Variants in IGF1R observed in about 807,000 individuals in gnomAD.
The protein encoded by IGF1R is insulin like growth factor 1 receptor.
IGF1R carries 44 observed loss-of-function variants against 144.6 expected under a neutral mutation model. The ratio of observed to expected loss-of-function variants is 0.30; its 90% CI spans 0.24 to 0.39. The LOEUF is 0.39. IGF1R is among the 10% of genes least tolerant of loss of function. The pLI, the probability that IGF1R is intolerant of heterozygous loss-of-function variation, is 1.00. For synonymous variants in IGF1R, 795 were observed against 722.8 expected (o/e 1.10, Z -1.60); for missense variants, 1,355 against 1,833.7 (o/e 0.74, Z 4.77).
chr15:98,924,074 C>G, intron 12 of IGF1R, 62 bp downstream of exon 12: 2 of 1,473,648 alleles, frequency 1.4e-6, no homozygotes, highest in South Asian at 1.1e-5. Context: ...CATATGCTAC[C>G]TGACTGCACA....
At chr15:98,812,822 C>T (rs2056619277) in intron 2 of IGF1R, among the ~76,000 whole-genome samples, 1 of 151,896 alleles carries the variant, frequency 6.6e-6, no homozygotes, top group Non-Finnish European at 1.5e-5. Context: ...GGGCATTGTC[C>T]TTGGGCTTGT....
chr15:98,725,819 C>T (rs2054344575), intron 2 of IGF1R, among the ~76,000 whole-genome samples: 1 of 152,196 alleles, frequency 6.6e-6, no homozygotes, highest in Non-Finnish European at 1.5e-5. Context: ...GTACTTCTTA[C>T]ATGGTGGCAG....
chr15:98,780,694 T>C (rs2055842165), intron 2 of IGF1R, among the ~76,000 whole-genome samples: 2 of 152,326 alleles, frequency 1.3e-5, no homozygotes. Context: ...ATACTAATTA[T>C]AAATCATGCC....
At position 98,723,331 on chromosome 15, in the gene IGF1R, AG is replaced by A. The variant is rs2054286329; in HGVS notation, c.640+15225del. 4.6e-5 allele frequency among the ~76,000 whole-genome samples: 7 copies of A among 152,338 alleles called. No individual in the cohort carries two copies. In the South Asian group the frequency reaches 1.5e-3, roughly 32 times the overall value. ...CTTGTCTCTTCTGTCCTCCAGTCAA[AG>A]AAAAACTCTGCATATGATCTTTGGC... On this transcript the variant is annotated intron_variant, in intron 2 of 20. Coordinates refer to ENST00000650285, the MANE Select transcript of IGF1R (RefSeq NM_000875.5).
chr15:98,797,683 A>G (rs2056276907), intron 2 of IGF1R, among the ~76,000 whole-genome samples: 1 of 152,182 alleles, frequency 6.6e-6, no homozygotes, highest in South Asian at 2.1e-4. Flanking sequence ...GAATGTCAGT[A>G]TATACATTGC....
intron 2 of IGF1R, chr15:98,880,703 T>G (rs539202689): frequency 4.6e-5 from 7 of 152,334 alleles, no homozygotes; most frequent in East Asian, 1.9e-4. Context: ...AGTGGTACCA[T>G]AGACAGTTTT....
At chr15:98,745,378 G>A (rs1358762785) in intron 2 of IGF1R, among the ~76,000 whole-genome samples, 1 of 152,146 alleles carries the variant, frequency 6.6e-6, no homozygotes, top group Non-Finnish European at 1.5e-5. Flanking sequence ...GTGTGTCATC[G>A]CTGACTACCT....
chr15:98,889,206 A>G (rs2013788923), intron 2 of IGF1R, among the ~76,000 whole-genome samples: 1 of 152,264 alleles, frequency 6.6e-6, no homozygotes, highest in Non-Finnish European at 1.5e-5. Context: ...TTTCTGTCAA[A>G]GGATGACTTC....
At chr15:98,925,066 G>T (rs1197954344) in intron 13 of IGF1R, among the ~76,000 whole-genome samples, 2 of 151,842 alleles carry the variant, frequency 1.3e-5, no homozygotes, top group African/African-American at 4.8e-5. Flanking sequence ...TACTTGGTCA[G>T]TAAAGCTAGA....
chr15:98,827,032 T>A lies in IGF1R; in HGVS notation c.641-64293T>A, dbSNP rs77908781. Among the ~76,000 whole-genome samples, 496 of 152,326 alleles carry A rather than the reference T, an allele frequency of 3.3e-3. 3 individuals are homozygous for A. The highest frequency in any genetic ancestry group is 0.011 in the African/African-American group (472 of 41,576). ...CACAAGGAGATAGTTTATTTTAAAATGTAATTGCTATGTTACTAAGATTTG... is the reference window on the plus strand; with the variant it reads ...CACAAGGAGATAGTTTATTTTAAAAAGTAATTGCTATGTTACTAAGATTTG... On this transcript the variant is annotated intron_variant, in intron 2 of 20. Transcript: ENST00000650285.
intron 1 of IGF1R, among the ~76,000 whole-genome samples, chr15:98,662,485 A>C (rs2052623826): frequency 6.6e-6 from 1 of 151,982 alleles, no homozygotes; most frequent in African/African-American, 2.4e-5. Context: ...GTGGTGACAG[A>C]GTATGGAACC....
chr15:98,672,386 G>A (rs11247365), intron 1 of IGF1R, among the ~76,000 whole-genome samples: 111,878 of 151,946 alleles, frequency 0.74, 45,407 homozygotes, highest in Non-Finnish European at 0.89. Context: ...CGAGCACGGC[G>A]AAACCCCGTC....
At chr15:98,924,930 GA>G (rs45509394) in intron 13 of IGF1R, among the ~76,000 whole-genome samples, 17,031 of 152,130 alleles carry the variant, frequency 0.11, 1,250 homozygotes, top group East Asian at 0.29. Flanking sequence ...CCTCTCCTTT[GA>G]GGTTGTGTAA....
intron 1 of IGF1R, among the ~76,000 whole-genome samples, chr15:98,665,247 G>T (rs865823801): frequency 6.6e-6 from 1 of 152,134 alleles, no homozygotes; most frequent in African/African-American, 2.4e-5. Flanking sequence ...CACCGCGCCC[G>T]GCAGGAACCC....
intron 6 of IGF1R, among the ~76,000 whole-genome samples, chr15:98,910,343 G>A (rs1003652223): frequency 5.9e-5 from 9 of 152,174 alleles, no homozygotes; most frequent in South Asian, 4.1e-4. Context: ...CATAGTAGCC[G>A]TTTATTTTCT....
chr15:98,761,865 A>G (rs555089024), intron 2 of IGF1R, among the ~76,000 whole-genome samples: 1 of 152,362 alleles, frequency 6.6e-6, no homozygotes, highest in Non-Finnish European at 1.5e-5. Flanking sequence ...AGTGCCAGAC[A>G]ACCCTTCTAG....
chr15:98,783,751 A>G (rs1596301965), intron 2 of IGF1R, among the ~76,000 whole-genome samples: 1 of 152,256 alleles, frequency 6.6e-6, no homozygotes, highest in East Asian at 1.9e-4. Context: ...TGCTCAAGAT[A>G]TGTCAACTCC....
chr15:98,675,972 T>A (rs1002592886), intron 1 of IGF1R, among the ~76,000 whole-genome samples: 1 of 151,842 alleles, frequency 6.6e-6, no homozygotes, highest in Non-Finnish European at 1.5e-5. Context: ...ATTACAGGCG[T>A]GCGCCACCAC....
chr15:98,897,959 A>G (rs979295185), intron 4 of IGF1R, among the ~76,000 whole-genome samples: 1 of 151,402 alleles, frequency 6.6e-6, no homozygotes, highest in African/African-American at 2.4e-5. Context: ...AGGAAAAATA[A>G]TGTATTTTGA....
Sources: allele counts gnomAD v4.1 joint callset (sites outside exome capture counted in the v4.1 genomes callset), GRCh38; gene constraint gnomAD v4.1.1; transcripts MANE v1.5; gene names NCBI Gene and HGNC (gene_info 2026-07-23, HGNC 2026-07-21).